Variants in PPIG observed in about 807,000 individuals in gnomAD.
The protein encoded by PPIG is peptidyl-prolyl cis-trans isomerase G.
PPIG carries 26 observed loss-of-function variants against 87.9 expected under a neutral mutation model. The observed-to-expected ratio is 0.30, with a 90% CI of 0.22 to 0.41. PPIG has a LOEUF of 0.41. Among genes scored for constraint, PPIG ranks in the 10% least tolerant of loss-of-function variants. The probability of loss-of-function intolerance (pLI) is 1.00; values close to 1 mark genes in which losing one functional copy is unlikely to be tolerated. For missense variants in PPIG, 722 were observed against 879.4 expected (o/e 0.82, Z 2.26); for synonymous variants, 308 against 276.5 (o/e 1.11, Z -1.13).
Position 169,600,727 on chromosome 2 carries a change from C to T in PPIG, c.-69-2915C>T, listed in dbSNP as rs2105482576. ...TTGAAGATTTAAATTACATGCTTACCTGAGTTTCTTTCATAAGTCTGCTGT... is the reference window on the plus strand; with the variant it reads ...TTGAAGATTTAAATTACATGCTTACTTGAGTTTCTTTCATAAGTCTGCTGT... On this transcript the variant is annotated intron_variant, in intron 1 of 13. Transcript: ENST00000260970. Among the ~76,000 whole-genome samples the T allele has an allele frequency of 2.0e-5, 3 of 152,092 alleles. No homozygotes were observed. The South Asian group carries it at 6.3e-4, about 32-fold the overall frequency.
chr2:169,585,177 T>C (rs1383395175), intron 1 of PPIG, among the ~76,000 whole-genome samples: 3 of 152,030 alleles, frequency 2.0e-5, no homozygotes, highest in African/African-American at 7.2e-5. Flanking sequence ...GCAGGCCTTT[T>C]AGGAGGAGAT....
At chr2:169,588,327 G>C (rs1380758256) in intron 1 of PPIG, among the ~76,000 whole-genome samples, 1 of 152,138 alleles carries the variant, frequency 6.6e-6, no homozygotes, top group African/African-American at 2.4e-5. Flanking sequence ...ATGGTGAAAA[G>C]TAATATTAAG....
chr2:169,631,677 T>C, intron 10 of PPIG, 89 bp from the exon 11 acceptor site: 1 of 1,591,206 alleles, frequency 6.3e-7, no homozygotes, highest in Non-Finnish European at 8.5e-7. Flanking sequence ...ATTATAGTGA[T>C]ATAAAGGAAA....
At position 169,639,702 on chromosome 2, in the gene PPIG, AG is replaced by A. The variant is rs984187356; in HGVS notation, c.*2180del. 2.0e-5 allele frequency: 3 copies of A among 152,170 alleles called. No homozygotes were observed. The highest frequency in any genetic ancestry group is 7.2e-5 in the African/African-American group (3 of 41,460). The allele number at this position is 152,170 out of a possible 1,614,324, so 9.4% of individuals were successfully genotyped here. A position where few individuals can be genotyped will look rare whatever the true frequency, so the allele number is the denominator to read the frequency against. On this transcript the variant is annotated 3_prime_UTR_variant, in exon 14 of 14. Coordinates refer to ENST00000260970, the MANE Select transcript of PPIG (RefSeq NM_004792.3). ...GGACAATCAACTAGATTTTATTTTTAGAATATAAAGAACATTTTTAAAATGA... is the reference window on the plus strand; with the variant it reads ...GGACAATCAACTAGATTTTATTTTTAAATATAAAGAACATTTTTAAAATGA...
intron 1 of PPIG, among the ~76,000 whole-genome samples, chr2:169,598,832 A>AAT (rs1166429560): frequency 7.4e-5 from 11 of 148,588 alleles, no homozygotes; most frequent in African/African-American, 2.7e-4. Flanking sequence ...AATACAGGTA[A>AAT]ATATTTATAT....
rs1685403692 is a variant in PPIG, at chr2:169,608,695, A to G, written c.314A>G (p.Asn105Ser). 2.5e-6 allele frequency: 4 copies of G among 1,609,974 alleles called. No individual in the cohort carries two copies. The highest frequency in any genetic ancestry group is 1.1e-5 in the South Asian group (1 of 90,992). The change falls in exon 7 of 14, where the codon AAC (asparagine) becomes AGC (serine). Residue 105 changes from asparagine (N) to serine (S), a missense_variant. Asn to Ser is a conservative substitution (Grantham distance 46, BLOSUM62 1). This residue lies in a region of PPIG where 99 missense variants were observed against 215.8 expected (regional missense o/e 0.46). Transcript: ENST00000260970. ...GACGAGAGTTTCGCTGTTAAACACA[A>G]CAAAGAATTTCTCTTGTCAATGGCC... is the stretch of plus-strand genomic sequence containing the variant. ...FEDESFAVKH[N>S]KEFLLSMANR...
intron 1 of PPIG, among the ~76,000 whole-genome samples, chr2:169,590,284 G>T (rs1017487154): frequency 2.0e-5 from 3 of 152,100 alleles, no homozygotes; most frequent in Admixed American, 6.6e-5. Context: ...AGATACAAAG[G>T]TTTCGAATTG....
At chr2:169,629,988 C>T (rs1685993980) in intron 9 of PPIG, among the ~76,000 whole-genome samples, 1 of 152,174 alleles carries the variant, frequency 6.6e-6, no homozygotes, top group African/African-American at 2.4e-5. Context: ...CCATCTTTGG[C>T]CCCAGTTAGC....
chr2:169,602,705 G>A (rs950357186), intron 1 of PPIG, among the ~76,000 whole-genome samples: 4 of 152,186 alleles, frequency 2.6e-5, no homozygotes, highest in Non-Finnish European at 5.9e-5. Flanking sequence ...CTGGTCTAGA[G>A]CCTTAAAATC....
intron 9 of PPIG, among the ~76,000 whole-genome samples, chr2:169,618,425 A>G (rs1574455924): frequency 6.6e-6 from 1 of 152,290 alleles, no homozygotes; most frequent in East Asian, 1.9e-4. Flanking sequence ...TTCAGAAGGA[A>G]TGGTACCAGC....
chr2:169,626,575 A>G (rs1685893300), intron 9 of PPIG, among the ~76,000 whole-genome samples: 1 of 152,022 alleles, frequency 6.6e-6, no homozygotes, highest in African/African-American at 2.4e-5. Flanking sequence ...TATTTTTAGT[A>G]GAGACGGGTT....
At position 169,598,836 on chromosome 2, in the gene PPIG, T is replaced by TA. The variant is rs1404380342; in HGVS notation, c.-69-4806_-69-4805insA. Reference sequence around the variant, plus strand: ...ATATTTATATAAATACAGGTAAATATTTATATGTATATAAATACAGGTAAA... The same window carrying TA: ...ATATTTATATAAATACAGGTAAATATATTATATGTATATAAATACAGGTAAA... On this transcript the variant is annotated intron_variant, in intron 1 of 13. Coordinates refer to ENST00000260970, the MANE Select transcript of PPIG (RefSeq NM_004792.3). Among the ~76,000 whole-genome samples the TA allele has an allele frequency of 1.2e-3, 82 of 69,694 alleles. 1 individual carries two copies. In the East Asian group the frequency reaches 0.027, roughly 23 times the overall value. The allele number at this position is 69,694 out of a possible 152,430, so 45.7% of individuals were successfully genotyped here.
chr2:169,596,967 GC>G (rs1190478976), intron 1 of PPIG, among the ~76,000 whole-genome samples: 1 of 152,134 alleles, frequency 6.6e-6, no homozygotes, highest in Non-Finnish European at 1.5e-5. Flanking sequence ...CTCCCAAAGT[GC>G]TGAGATTACA....
intron 11 of PPIG, 112 bp downstream of exon 11, chr2:169,632,045 T>C: frequency 7.8e-7 from 1 of 1,277,772 alleles, no homozygotes; most frequent in East Asian, 2.7e-5. Context: ...AAGATTGAAA[T>C]CTTTTTTATA....
At chr2:169,612,004 C>T (rs1330341462) in intron 7 of PPIG, among the ~76,000 whole-genome samples, 1 of 152,170 alleles carries the variant, frequency 6.6e-6, no homozygotes, top group South Asian at 2.1e-4. Flanking sequence ...GAGACAGAGT[C>T]TTGCTCTGTT....
chr2:169,636,015 T>C (rs1686171887), intron 12 of PPIG, 77 bp from the exon 13 acceptor site: 1 of 1,158,912 alleles, frequency 8.6e-7, no homozygotes, highest in Non-Finnish European at 1.2e-6. Context: ...ACCCCAGTAC[T>C]TCCCTCCCTC....
chr2:169,636,338 A>C (rs1179302047), intron 13 of PPIG, 75 bp from the exon 14 acceptor site: 5 of 1,464,636 alleles, frequency 3.4e-6, no homozygotes, highest in African/African-American at 2.8e-5. Context: ...AGAAAAGTAG[A>C]ATATCATTTT....
chr2:169,588,365 C>T (rs1017238788), intron 1 of PPIG, among the ~76,000 whole-genome samples: 1 of 152,022 alleles, frequency 6.6e-6, no homozygotes, highest in Non-Finnish European at 1.5e-5. Context: ...TGTGAGTAAA[C>T]TAGTTTTTAC....
chr2:169,621,960 A>G (rs1202069618), intron 9 of PPIG, among the ~76,000 whole-genome samples: 2 of 151,098 alleles, frequency 1.3e-5, no homozygotes, highest in African/African-American at 2.4e-5. Flanking sequence ...TTAATTAACC[A>G]TGTGTAGTCC....
Sources: allele counts gnomAD v4.1 joint callset (sites outside exome capture counted in the v4.1 genomes callset), GRCh38; gene constraint gnomAD v4.1.1; regional missense constraint gnomAD v4.1.1; transcripts MANE v1.5; gene names NCBI Gene and HGNC (gene_info 2026-07-23, HGNC 2026-07-21).